Variants in CSMD1 observed in about 807,000 individuals in gnomAD.
CSMD1 encodes CUB and sushi domain-containing protein 1.
In CSMD1, 213 loss-of-function variants were observed where a neutral mutation model predicts 417.5. That is an observed-to-expected ratio of 0.51 (90% confidence interval 0.46 to 0.57). The LOEUF (loss-of-function observed/expected upper bound fraction) is 0.57. Among genes scored for constraint, CSMD1 ranks in the 20% least tolerant of loss-of-function variants. CSMD1 has a pLI of 0.00. For missense variants in CSMD1, 6,923 were observed against 4,529.7 expected, an observed-to-expected ratio of 1.53 and a Z score of -15.17; for synonymous variants, 2,862 against 1,736.8, an observed-to-expected ratio of 1.65 and a Z score of -16.11.
At chr8:4,427,371 G>A (rs1340044559) in intron 2 of CSMD1, among the ~76,000 whole-genome samples, 12 of 152,050 alleles carry the variant, frequency 7.9e-5, no homozygotes, top group Non-Finnish European at 2.9e-5. Flanking sequence ...GGGTGATCTG[G>A]AACCAGGTGC....
chr8:3,549,692 G>A (rs923474578), intron 10 of CSMD1, among the ~76,000 whole-genome samples: 9 of 152,130 alleles, frequency 5.9e-5, no homozygotes, highest in South Asian at 2.1e-4. Context: ...AACACTGGAC[G>A]CCGTGTGCTG....
At chr8:4,630,074 G>C (rs190418545) in intron 2 of CSMD1, among the ~76,000 whole-genome samples, 1 of 152,092 alleles carries the variant, frequency 6.6e-6, no homozygotes, top group Non-Finnish European at 1.5e-5. Context: ...TGAACCATCC[G>C]TTTTTAGCTA....
At chr8:4,076,813 C>T (rs1293968281) in intron 3 of CSMD1, among the ~76,000 whole-genome samples, 1 of 152,152 alleles carries the variant, frequency 6.6e-6, no homozygotes, top group Non-Finnish European at 1.5e-5. Context: ...TCACGCAAGG[C>T]CAGCCATGCC....
intron 5 of CSMD1, among the ~76,000 whole-genome samples, chr8:3,984,011 C>A (rs945984562): frequency 1.3e-5 from 2 of 148,412 alleles, no homozygotes; most frequent in South Asian, 4.3e-4. Context: ...TCTGATGGGG[C>A]TGTCAATTGC....
At chr8:3,390,824 G>C (rs575653963) in intron 17 of CSMD1, among the ~76,000 whole-genome samples, 1 of 152,164 alleles carries the variant, frequency 6.6e-6, no homozygotes, top group Non-Finnish European at 1.5e-5. Context: ...AAAACTCCTA[G>C]TCCAAGGAAG....
chr8:3,121,108 G>C (rs568715912), intron 41 of CSMD1, among the ~76,000 whole-genome samples: 21 of 152,066 alleles, frequency 1.4e-4, no homozygotes, highest in Non-Finnish European at 2.2e-4. Flanking sequence ...AAAATAGGGA[G>C]AGACTCATAA....
At chr8:4,437,949 G>A (rs892032768) in intron 2 of CSMD1, among the ~76,000 whole-genome samples, 8 of 152,084 alleles carry the variant, frequency 5.3e-5, no homozygotes, top group African/African-American at 1.7e-4. Context: ...TTCTCTAAGT[G>A]TTTTCCATGT....
chr8:4,622,937 A>G (rs1801866380), intron 2 of CSMD1, among the ~76,000 whole-genome samples: 3 of 152,214 alleles, frequency 2.0e-5, no homozygotes, highest in Admixed American at 2.0e-4. Context: ...TTAATATTTT[A>G]AAAATCAGTT....
intron 7 of CSMD1, among the ~76,000 whole-genome samples, chr8:3,690,844 T>C (rs1800197474): frequency 6.6e-6 from 1 of 152,200 alleles, no homozygotes. Flanking sequence ...GTTCTTTGAA[T>C]AGGTGGTCTA....
chr8:3,522,689 C>A (rs979334595), intron 10 of CSMD1, among the ~76,000 whole-genome samples: 2 of 151,908 alleles, frequency 1.3e-5, no homozygotes. Context: ...GTAGATCAGT[C>A]GTCCCGGTAC....
At chr8:4,144,776 G>C (rs1310058036) in intron 3 of CSMD1, among the ~76,000 whole-genome samples, 3 of 151,098 alleles carry the variant, frequency 2.0e-5, no homozygotes, top group East Asian at 3.9e-4. Context: ...AGGAATGATG[G>C]ATTTACCAGG....
intron 5 of CSMD1, among the ~76,000 whole-genome samples, chr8:3,833,169 A>G (rs1212363565): frequency 6.6e-6 from 1 of 152,150 alleles, no homozygotes; most frequent in Non-Finnish European, 1.5e-5. Context: ...AGGAAAGTAT[A>G]TAATCACTTT....
In CSMD1 at chr8:3,929,631, A is replaced by T. The variant is rs530010055; in HGVS notation, c.818+68272T>A. ...ATTTTGTCTTTAAAAGGAAGAGTAT[A>T]TTGTTTCAAAACATATTTGTATGAA... On this transcript the variant is annotated intron_variant, in intron 5 of 69. Coordinates refer to ENST00000635120, the MANE Select transcript of CSMD1 (RefSeq NM_033225.6). 1.5e-3 allele frequency among the ~76,000 whole-genome samples: 218 copies of T among 149,412 alleles called. 8 individuals are homozygous for T. The highest frequency in any genetic ancestry group is 2.6e-3 in the Non-Finnish European group (177 of 67,298).
intron 2 of CSMD1, among the ~76,000 whole-genome samples, chr8:4,554,556 G>A (rs1399181423): frequency 1.3e-5 from 2 of 152,170 alleles, no homozygotes; most frequent in Non-Finnish European, 2.9e-5. Flanking sequence ...TGAGTTGTAT[G>A]GAAGTTAAGA....
chr8:3,755,800 T>C (rs894400010), intron 5 of CSMD1, among the ~76,000 whole-genome samples: 1 of 152,126 alleles, frequency 6.6e-6, no homozygotes, highest in Non-Finnish European at 1.5e-5. Context: ...ATGCCACTGT[T>C]TGAAATAATC....
intron 7 of CSMD1, among the ~76,000 whole-genome samples, chr8:3,700,005 G>A (rs1800765306): frequency 6.6e-6 from 1 of 152,120 alleles, no homozygotes; most frequent in African/African-American, 2.4e-5. Flanking sequence ...CATCTGTTGT[G>A]TTCCTGAGAC....
chr8:4,254,050 G>A (rs201928602), intron 3 of CSMD1, among the ~76,000 whole-genome samples: 1 of 151,464 alleles, frequency 6.6e-6, no homozygotes, highest in Non-Finnish European at 1.5e-5. Context: ...CCAAGTAGCT[G>A]GGACTACTGG....
rs1369747580 is a variant in CSMD1, at chr8:4,899,656, A to C, written c.85+94676T>G. On this transcript the variant is annotated intron_variant, in intron 1 of 69. Transcript: ENST00000635120. ...TTTGTCTGTAGTTTTGCAAAAATAT[A>C]AGATGACCATGTCTTGAACAACTCT... is the stretch of plus-strand genomic sequence containing the variant. Among the ~76,000 whole-genome samples, 3 of 152,204 alleles carry C rather than the reference A, an allele frequency of 2.0e-5. 1 individual carries two copies. The highest frequency in any genetic ancestry group is 4.4e-5 in the Non-Finnish European group (3 of 68,038).
intron 3 of CSMD1, among the ~76,000 whole-genome samples, chr8:4,190,077 T>C (rs1798924577): frequency 6.6e-6 from 1 of 151,662 alleles, no homozygotes; most frequent in Admixed American, 6.6e-5. Flanking sequence ...GCTAACATGG[T>C]GAAACCCCAT....
Sources: allele counts gnomAD v4.1 joint callset (sites outside exome capture counted in the v4.1 genomes callset), GRCh38; gene constraint gnomAD v4.1.1; transcripts MANE v1.5; gene names NCBI Gene and HGNC (gene_info 2026-07-23, HGNC 2026-07-21).